Variants in PDE7B observed in about 807,000 individuals in gnomAD.
PDE7B encodes phosphodiesterase 7B, also known as 3',5'-cyclic-AMP phosphodiesterase 7B.
A neutral mutation model predicts 56.2 loss-of-function variants in PDE7B; 29 were observed. That is an observed-to-expected ratio of 0.52 (90% CI 0.38 to 0.70). The LOEUF (loss-of-function observed/expected upper bound fraction) is 0.70, where lower values mean the gene tolerates loss of function less well. Among genes scored for constraint, PDE7B ranks in the 30% least tolerant of loss-of-function variants. The pLI is 0.00. For synonymous variants in PDE7B, 197 were observed against 196.9 expected, an observed-to-expected ratio of 1.00 and a Z score of 0.00; for missense variants, 490 against 565.0, an observed-to-expected ratio of 0.87 and a Z score of 1.35.
intron 1 of PDE7B, among the ~76,000 whole-genome samples, chr6:135,928,490 TA>T (rs1478693001): frequency 2.8e-5 from 2 of 71,826 alleles, no homozygotes; most frequent in Non-Finnish European, 5.8e-5. Flanking sequence ...TATTTATTTA[TA>T]TATATATATT....
intron 2 of PDE7B, among the ~76,000 whole-genome samples, chr6:136,045,469 A>G (rs1431996202): frequency 6.6e-6 from 1 of 152,226 alleles, no homozygotes. Context: ...TTTAGAGCTT[A>G]TAAACCAAGT....
chr6:136,159,014 T>A (rs1778660329), intron 8 of PDE7B, among the ~76,000 whole-genome samples: 1 of 152,196 alleles, frequency 6.6e-6, no homozygotes, highest in South Asian at 2.1e-4. Context: ...TATCATTTAC[T>A]CATGACACAG....
At chr6:135,956,042 G>A (rs1774786968) in intron 2 of PDE7B, among the ~76,000 whole-genome samples, 1 of 152,182 alleles carries the variant, frequency 6.6e-6, no homozygotes, top group African/African-American at 2.4e-5. Flanking sequence ...AGGGAAAGGT[G>A]AGGAGTGAGA....
At chr6:136,005,642 A>C (rs987461625) in intron 2 of PDE7B, among the ~76,000 whole-genome samples, 4 of 152,224 alleles carry the variant, frequency 2.6e-5, no homozygotes, top group Non-Finnish European at 5.9e-5. Context: ...ATGCAAATCA[A>C]AACCACAATG....
chr6:136,116,236 C>A (rs967393550), intron 3 of PDE7B, among the ~76,000 whole-genome samples: 1 of 152,156 alleles, frequency 6.6e-6, no homozygotes, highest in Admixed American at 6.5e-5. Context: ...GACTGACCTA[C>A]ATATGAGGAC....
At chr6:136,166,439 C>A in intron 8 of PDE7B, 1 of 153,720 alleles carries the variant, frequency 6.5e-6, no homozygotes, top group South Asian at 1.9e-4. Context: ...GCTTATTGTT[C>A]CACAAGATGT....
At chr6:136,090,938 T>C (rs938074355) in intron 2 of PDE7B, among the ~76,000 whole-genome samples, 14 of 152,184 alleles carry the variant, frequency 9.2e-5, no homozygotes, top group African/African-American at 3.1e-4. Context: ...GAGCCTCCCC[T>C]AACACACCAG....
intron 6 of PDE7B, among the ~76,000 whole-genome samples, chr6:136,152,791 G>A (rs889561765): frequency 6.6e-5 from 10 of 152,282 alleles, no homozygotes; most frequent in South Asian, 6.2e-4. Flanking sequence ...AATAACAGGC[G>A]TGACAATAAT....
chr6:136,006,146 A>G, intron 2 of PDE7B, among the ~76,000 whole-genome samples: 1 of 141,352 alleles, frequency 7.1e-6, no homozygotes, highest in African/African-American at 2.6e-5. Flanking sequence ...ATAGGTGGGA[A>G]TTGAACAATG....
chr6:135,895,084 G>A lies in PDE7B; in HGVS notation c.21+43065G>A, dbSNP rs17306802. On this transcript the variant is annotated intron_variant, in intron 1 of 12. Coordinates refer to ENST00000308191, the MANE Select transcript of PDE7B (RefSeq NM_018945.4). ...ATATATAAGCAGTCAAATCAGAGAAGGCAGGCAAATCCTGTTTGTCCAATA... is the reference window on the plus strand; with the variant it reads ...ATATATAAGCAGTCAAATCAGAGAAAGCAGGCAAATCCTGTTTGTCCAATA... 2.6e-3 allele frequency among the ~76,000 whole-genome samples: 388 copies of A among 151,866 alleles called. 1 individual carries two copies. Among genetic ancestry groups the A allele is most frequent in the Admixed American group, 4.8e-3 (73 of 15,228 alleles).
At chr6:136,117,859 TACCA>T (rs1362220057) in intron 3 of PDE7B, among the ~76,000 whole-genome samples, 3 of 152,130 alleles carry the variant, frequency 2.0e-5, no homozygotes, top group Non-Finnish European at 4.4e-5. Context: ...CTGCCTCTTC[TACCA>T]TGGTTGCCCC....
intron 1 of PDE7B, among the ~76,000 whole-genome samples, chr6:135,856,060 C>A (rs1287935244): frequency 6.6e-6 from 1 of 152,142 alleles, no homozygotes; most frequent in Non-Finnish European, 1.5e-5. Context: ...ACTTTTCCAC[C>A]TCTCCCATTC....
intron 1 of PDE7B, among the ~76,000 whole-genome samples, chr6:135,918,475 C>T (rs1203533397): frequency 1.3e-5 from 2 of 152,118 alleles, no homozygotes; most frequent in Non-Finnish European, 2.9e-5. Flanking sequence ...TTTTCTTTAT[C>T]TTTCACATCT....
intron 2 of PDE7B, chr6:136,038,385 C>T (rs569070457): frequency 1.4e-4 from 184 of 1,291,458 alleles, no homozygotes; most frequent in Admixed American, 4.6e-4. Flanking sequence ...GGAAGCCGGC[C>T]GGGGTGCCAG....
intron 2 of PDE7B, among the ~76,000 whole-genome samples, chr6:135,996,794 G>C (rs1365358036): frequency 6.6e-6 from 1 of 152,190 alleles, no homozygotes; most frequent in Admixed American, 6.5e-5. Context: ...CACAGCACTT[G>C]TGTGAGTAAA....
intron 4 of PDE7B, among the ~76,000 whole-genome samples, chr6:136,148,497 G>A (rs1215414543): frequency 6.6e-6 from 1 of 151,810 alleles, no homozygotes; most frequent in Non-Finnish European, 1.5e-5. Flanking sequence ...AGGCAGGCAG[G>A]CAACTAATAT....
At chr6:135,881,341 C>CA (rs34454603) in intron 1 of PDE7B, among the ~76,000 whole-genome samples, 3,676 of 119,898 alleles carry the variant, frequency 0.031, 60 homozygotes, top group Middle Eastern at 0.039. Context: ...ACTAAAAATA[C>CA]AAAAAAAAAA....
intron 1 of PDE7B, among the ~76,000 whole-genome samples, chr6:135,901,401 T>C (rs552713183): frequency 1.3e-5 from 2 of 152,222 alleles, no homozygotes; most frequent in African/African-American, 2.4e-5. Context: ...ACAGTGGTAC[T>C]TTATTAAAAT....
At chr6:136,111,561 A>C (rs1402419120) in intron 3 of PDE7B, among the ~76,000 whole-genome samples, 1 of 152,212 alleles carries the variant, frequency 6.6e-6, no homozygotes, top group Non-Finnish European at 1.5e-5. Flanking sequence ...TGGAGCAGAG[A>C]TGTATGAACA....
Sources: gnomAD v4.1 joint callset for allele counts (sites outside exome capture counted in the v4.1 genomes callset) on GRCh38, gnomAD v4.1.1 for gene constraint, MANE v1.5 for transcripts, NCBI Gene and HGNC (gene_info 2026-07-23, HGNC 2026-07-21) for gene names.